The following SOX5 variants were observed in gnomAD, a reference collection of about 807,000 sequenced individuals.
SOX5 encodes the protein SRY-box transcription factor 5.
A neutral mutation model predicts 92.0 loss-of-function variants in SOX5; 9 were observed. The observed-to-expected ratio is 0.10, with a 90% CI of 0.06 to 0.17. SOX5 has a LOEUF of 0.17. Among genes scored for constraint, SOX5 ranks in the 10% least tolerant of loss-of-function variants. SOX5 has a pLI of 1.00. For missense variants in SOX5, 642 were observed against 944.5 expected (o/e 0.68, Z 4.20); for synonymous variants, 344 against 336.3 (o/e 1.02, Z -0.25).
At chr12:23,920,808 G>T (rs1937993955) in intron 1 of SOX5, among the ~76,000 whole-genome samples, 1 of 152,006 alleles carries the variant, frequency 6.6e-6, no homozygotes, top group Non-Finnish European at 1.5e-5. Context: ...TATAATATAT[G>T]TATGCAAAAT....
intron 1 of SOX5, among the ~76,000 whole-genome samples, chr12:24,522,401 T>C (rs764443426): frequency 4.4e-4 from 67 of 152,092 alleles, no homozygotes; most frequent in Non-Finnish European, 8.8e-4. Flanking sequence ...GGAGGGAACC[T>C]TTGATATAAT....
At chr12:24,384,803 G>C (rs1958209344) in intron 1 of SOX5, among the ~76,000 whole-genome samples, 1 of 152,110 alleles carries the variant, frequency 6.6e-6, no homozygotes, top group Non-Finnish European at 1.5e-5. Flanking sequence ...CTTAAATGAA[G>C]ATTTCAGCAA....
chr12:23,957,793 A>G (rs776329762), intron 4 of SOX5, among the ~76,000 whole-genome samples: 1 of 152,178 alleles, frequency 6.6e-6, no homozygotes, highest in Non-Finnish European at 1.5e-5. Context: ...TAATCATTCA[A>G]TTACTCAACA....
intron 3 of SOX5, among the ~76,000 whole-genome samples, chr12:23,804,043 A>G (rs1404976243): frequency 6.6e-6 from 1 of 152,226 alleles, no homozygotes; most frequent in Non-Finnish European, 1.5e-5. Context: ...AAAAATAATT[A>G]ATAAGTATTC....
At chr12:24,363,556 T>C (rs1194324720) in intron 2 of SOX5, among the ~76,000 whole-genome samples, 1 of 152,200 alleles carries the variant, frequency 6.6e-6, no homozygotes, top group African/African-American at 2.4e-5. Context: ...CATTTATGTA[T>C]CATGTTACTC....
intron 1 of SOX5, among the ~76,000 whole-genome samples, chr12:24,476,004 A>AT (rs111330397): frequency 0.31 from 46,334 of 150,022 alleles, 8,511 homozygotes; most frequent in East Asian, 0.73. Context: ...AAAAAAAAAA[A>AT]AAAAAAAAAA....
At chr12:23,582,173 G>A in intron 9 of SOX5, 3 of 985,248 alleles carry the variant, frequency 3.0e-6, no homozygotes, top group Non-Finnish European at 3.6e-6. Flanking sequence ...TCCCTAGCTT[G>A]TGTGCAGCAC....
intron 4 of SOX5, among the ~76,000 whole-genome samples, chr12:24,122,626 AAAG>A (rs1187320556): frequency 6.6e-6 from 1 of 152,230 alleles, no homozygotes; most frequent in East Asian, 1.9e-4. Context: ...AGAGTTGGAC[AAAG>A]AAGATGTGAA....
chr12:23,869,715 A>G (rs143981301), intron 2 of SOX5, among the ~76,000 whole-genome samples: 1 of 152,230 alleles, frequency 6.6e-6, no homozygotes, highest in East Asian at 1.9e-4. Flanking sequence ...AGACTTCCCG[A>G]TGAAAGAAGT....
chr12:23,661,647 AAATATGTATCTG>A (rs1173255353), intron 7 of SOX5, among the ~76,000 whole-genome samples: 1 of 152,178 alleles, frequency 6.6e-6, no homozygotes, highest in African/African-American at 2.4e-5. Flanking sequence ...TTTATTTCAA[AAATATGTATCTG>A]ACACAAGCTT....
intron 4 of SOX5, among the ~76,000 whole-genome samples, chr12:23,974,870 T>C (rs1340288008): frequency 6.6e-6 from 1 of 152,070 alleles, no homozygotes; most frequent in Non-Finnish European, 1.5e-5. Context: ...TGAAATATGT[T>C]ATAAGAAAAG....
At chr12:23,819,357 A>G (rs953482898) in intron 3 of SOX5, among the ~76,000 whole-genome samples, 25 of 152,180 alleles carry the variant, frequency 1.6e-4, no homozygotes, top group African/African-American at 5.6e-4. Flanking sequence ...TTGTGTAAAA[A>G]CTTGTTCTAG....
chr12:23,701,220 CTG>C (rs1187774496), intron 6 of SOX5, among the ~76,000 whole-genome samples: 1 of 151,956 alleles, frequency 6.6e-6, no homozygotes, highest in Non-Finnish European at 1.5e-5. Context: ...CTGAAGAAAA[CTG>C]TGGTAGTGCT....
chr12:24,228,671 CGTGT>C (rs905108986), intron 3 of SOX5, among the ~76,000 whole-genome samples: 4 of 151,952 alleles, frequency 2.6e-5, no homozygotes, highest in African/African-American at 4.8e-5. Flanking sequence ...CGTGTGTGTG[CGTGT>C]GTGTGTCTGT....
At chr12:23,612,725 A>C (rs763606758) in intron 8 of SOX5, among the ~76,000 whole-genome samples, 4 of 152,190 alleles carry the variant, frequency 2.6e-5, no homozygotes, top group Non-Finnish European at 5.9e-5. Flanking sequence ...AAACCTAAAA[A>C]GATATGTACT....
intron 4 of SOX5, among the ~76,000 whole-genome samples, chr12:23,988,121 A>T (rs1309482456): frequency 6.6e-6 from 1 of 152,256 alleles, no homozygotes; most frequent in Non-Finnish European, 1.5e-5. Context: ...AATGACTCAC[A>T]AATTTTTAAC....
chr12:23,692,439 GAA>G (rs11427578), intron 6 of SOX5, among the ~76,000 whole-genome samples: 3 of 132,686 alleles, frequency 2.3e-5, no homozygotes, highest in African/African-American at 2.9e-5. Flanking sequence ...TACGCCTCAG[GAA>G]AAAAAAAAAA....
intron 1 of SOX5, among the ~76,000 whole-genome samples, chr12:24,411,735 T>C (rs1334659508): frequency 6.6e-6 from 1 of 152,202 alleles, no homozygotes; most frequent in African/African-American, 2.4e-5. Context: ...TTAATATTTT[T>C]TGTACCTGTA....
chr12:24,113,794 GT>G lies in SOX5; in HGVS notation c.-2+99548del, dbSNP rs370057814. On this transcript the variant is annotated intron_variant, in intron 4 of 4. Transcript: ENST00000446891. ...AACGGAAAAAGCAACTGGGTGCCCT[GT>G]TATCTGTTATACTTAAGGAAGGTTC... Among the ~76,000 whole-genome samples, 92 of 152,298 alleles carry G rather than the reference GT, an allele frequency of 6.0e-4. 1 individual carries two copies. In the East Asian group the frequency reaches 0.017, roughly 28 times the overall value.
Sources: allele counts gnomAD v4.1 joint callset (sites outside exome capture counted in the v4.1 genomes callset), GRCh38; gene constraint gnomAD v4.1.1; transcripts MANE v1.5; gene names NCBI Gene and HGNC (gene_info 2026-07-23, HGNC 2026-07-21).